The following CTNNA2 variants were observed in gnomAD, a reference collection of about 807,000 sequenced individuals.
CTNNA2 encodes the protein catenin alpha 2, also known as catenin alpha-2.
In CTNNA2, 42 loss-of-function variants were observed where a neutral mutation model predicts 101.0. That is an observed-to-expected ratio of 0.42 (90% confidence interval 0.32 to 0.54). CTNNA2 has a LOEUF of 0.54. CTNNA2 is among the 20% of genes least tolerant of loss of function. The probability of loss-of-function intolerance (pLI) is 0.14; values close to 1 mark genes in which losing one functional copy is unlikely to be tolerated. For synonymous variants in CTNNA2, 450 were observed against 456.4 expected (o/e 0.99, Z 0.18); for missense variants, 871 against 1,223.1 (o/e 0.71, Z 4.29).
intron 2 of CTNNA2, among the ~76,000 whole-genome samples, chr2:79,266,354 T>C (rs1246459791): frequency 6.6e-6 from 1 of 152,196 alleles, no homozygotes; most frequent in Non-Finnish European, 1.5e-5. Context: ...GGGACATTTC[T>C]ACACTGGTCC....
intron 4 of CTNNA2, among the ~76,000 whole-genome samples, chr2:79,500,103 T>C (rs2103801936): frequency 6.6e-6 from 1 of 152,308 alleles, no homozygotes; most frequent in African/African-American, 2.4e-5. Context: ...AAAAATATCT[T>C]TCATGTTGAC....
chr2:79,242,372 A>G (rs1274598766), intron 2 of CTNNA2, among the ~76,000 whole-genome samples: 3 of 152,044 alleles, frequency 2.0e-5, no homozygotes, highest in African/African-American at 7.2e-5. Flanking sequence ...TGTTGCATCT[A>G]ATAACTCTTC....
chr2:80,017,447 T>A, intron 7 of CTNNA2, among the ~76,000 whole-genome samples: 1 of 151,674 alleles, frequency 6.6e-6, no homozygotes, highest in East Asian at 1.9e-4. Context: ...TATATACGTG[T>A]GTATATATAT....
At chr2:79,234,219 A>G (rs1674529676) in intron 2 of CTNNA2, among the ~76,000 whole-genome samples, 1 of 151,824 alleles carries the variant, frequency 6.6e-6, no homozygotes, top group Non-Finnish European at 1.5e-5. Context: ...GACCTCTTGT[A>G]AGAGTGGTCT....
intron 3 of CTNNA2, among the ~76,000 whole-genome samples, chr2:79,750,256 A>T (rs1355701171): frequency 2.0e-5 from 3 of 152,218 alleles, no homozygotes. Flanking sequence ...CTATGCACTA[A>T]TTGAGGGGTT....
intron 7 of CTNNA2, among the ~76,000 whole-genome samples, chr2:80,255,399 C>G (rs561397872): frequency 1.3e-5 from 2 of 151,872 alleles, no homozygotes; most frequent in East Asian, 3.9e-4. Flanking sequence ...CCTCTTTTTC[C>G]TTTCAGAAAG....
intron 3 of CTNNA2, among the ~76,000 whole-genome samples, chr2:79,745,401 A>T (rs1426230078): frequency 6.6e-6 from 1 of 152,062 alleles, no homozygotes; most frequent in Non-Finnish European, 1.5e-5. Flanking sequence ...GCTGCACTCC[A>T]GCCTGGGTGA....
chr2:79,197,637 A>T (rs1558570510), intron 1 of CTNNA2, among the ~76,000 whole-genome samples: 1 of 152,216 alleles, frequency 6.6e-6, no homozygotes. Context: ...GGAACAGGCT[A>T]TTTGAAATCC....
At chr2:79,724,283 A>G (rs1447666055) in intron 2 of CTNNA2, among the ~76,000 whole-genome samples, 8 of 151,680 alleles carry the variant, frequency 5.3e-5, no homozygotes, top group African/African-American at 1.7e-4. Flanking sequence ...AAAACAATAC[A>G]AAACAAAACA....
intron 3 of CTNNA2, among the ~76,000 whole-genome samples, chr2:79,753,846 TA>T (rs1672210079): frequency 6.6e-6 from 1 of 151,784 alleles, no homozygotes; most frequent in African/African-American, 2.4e-5. Flanking sequence ...CAAGTTCCAC[TA>T]TTTTCTTTTC....
At chr2:79,297,221 C>T (rs1482116579) in intron 2 of CTNNA2, among the ~76,000 whole-genome samples, 1 of 152,000 alleles carries the variant, frequency 6.6e-6, no homozygotes, top group Admixed American at 6.6e-5. Flanking sequence ...ACAACCTGTC[C>T]TCAGCTGAAA....
At chr2:80,100,882 A>G (rs1453538022) in intron 7 of CTNNA2, among the ~76,000 whole-genome samples, 1 of 152,140 alleles carries the variant, frequency 6.6e-6, no homozygotes, top group East Asian at 1.9e-4. Flanking sequence ...TTTCATTTTG[A>G]GCAAAGATCA....
chr2:79,246,419 C>T (rs1000390662), intron 2 of CTNNA2, among the ~76,000 whole-genome samples: 6 of 152,176 alleles, frequency 3.9e-5, no homozygotes, highest in African/African-American at 1.4e-4. Context: ...TTCTATGCCA[C>T]GCATTTTCTG....
In CTNNA2 at chr2:80,005,240, G is replaced by A. The variant is rs544985022; in HGVS notation, c.1056+95443G>A. 5.9e-5 allele frequency among the ~76,000 whole-genome samples: 9 copies of A among 152,252 alleles called. No individual in the cohort carries two copies. In the South Asian group the frequency reaches 1.2e-3, roughly 21 times the overall value. On this transcript the variant is annotated intron_variant, in intron 7 of 18. Transcript: ENST00000402739. ...GCATATAGCTGTGTACTTTTACAAC[G>A]TAGAAGACATTCTGTGGAGGGGCAG...
intron 3 of CTNNA2, among the ~76,000 whole-genome samples, chr2:79,849,372 A>G (rs1680494421): frequency 6.6e-6 from 1 of 151,640 alleles, no homozygotes; most frequent in Admixed American, 6.6e-5. Flanking sequence ...GTTTTTTGAT[A>G]ACAAGACCTG....
chr2:80,186,440 A>G (rs1335678837), intron 7 of CTNNA2, among the ~76,000 whole-genome samples: 1 of 152,182 alleles, frequency 6.6e-6, no homozygotes, highest in Non-Finnish European at 1.5e-5. Flanking sequence ...TCCCCAGTAC[A>G]GCAGAGTTCA....
In CTNNA2 at chr2:79,768,466, A is replaced by G. The variant is rs957404232; in HGVS notation, c.298+23884A>G. 4.2e-4 allele frequency among the ~76,000 whole-genome samples: 63 copies of G among 151,586 alleles called. 2 individuals are homozygous for G. Among genetic ancestry groups the G allele is most frequent in the Admixed American group, 3.0e-3 (46 of 15,248 alleles). ...CTATATAGATAGTTGTTAAATTGGT[A>G]TCCGTGGCAGGGGTGATCGGTGGAG... On this transcript the variant is annotated intron_variant, in intron 3 of 18. Coordinates refer to ENST00000402739, the MANE Select transcript of CTNNA2 (RefSeq NM_001282597.3).
rs148918726 is a variant in CTNNA2, at chr2:79,794,834, A to G, written c.298+50252A>G. 2.7e-3 allele frequency among the ~76,000 whole-genome samples: 415 copies of G among 152,298 alleles called. 3 individuals carry two copies. The highest frequency in any genetic ancestry group is 9.7e-3 in the African/African-American group (402 of 41,578). The stretch of plus-strand genomic sequence containing the variant: ...ATATCTTTCCATGCATATTGTCTTC[A>G]GCATCTTACTTCAGGCTCCCTCTTC... On this transcript the variant is annotated intron_variant, in intron 3 of 18. Coordinates refer to ENST00000402739, the MANE Select transcript of CTNNA2 (RefSeq NM_001282597.3).
At chr2:80,013,661 C>T (rs1693936465) in intron 7 of CTNNA2, among the ~76,000 whole-genome samples, 1 of 152,190 alleles carries the variant, frequency 6.6e-6, no homozygotes, top group African/African-American at 2.4e-5. Flanking sequence ...ACGTAATTTA[C>T]CCAGTCATTT....
Sources: gnomAD v4.1 joint callset for allele counts (sites outside exome capture counted in the v4.1 genomes callset) on GRCh38, gnomAD v4.1.1 for gene constraint, MANE v1.5 for transcripts, NCBI Gene and HGNC (gene_info 2026-07-23, HGNC 2026-07-21) for gene names.